The following EMX2 variants were observed in gnomAD, a reference collection of about 807,000 sequenced individuals.
EMX2 encodes empty spiracles homeobox 2.
Under a neutral mutation model 23.0 loss-of-function variants are expected in EMX2, and 6 were observed. The ratio of observed to expected loss-of-function variants is 0.26; its 90% CI spans 0.14 to 0.52. The LOEUF (loss-of-function observed/expected upper bound fraction) is 0.52, where lower values mean the gene tolerates loss of function less well. Among genes scored for constraint, EMX2 ranks in the 20% least tolerant of loss-of-function variants. The pLI, the probability that EMX2 is intolerant of heterozygous loss-of-function variation, is 0.97. For missense variants in EMX2, 302 were observed against 341.4 expected, an observed-to-expected ratio of 0.88 and a Z score of 0.91; for synonymous variants, 175 against 153.3, an observed-to-expected ratio of 1.14 and a Z score of -1.04.
At chr10:117,544,113 C>T (rs1589648417) in intron 1 of EMX2, among the ~76,000 whole-genome samples, 1 of 152,252 alleles carries the variant, frequency 6.6e-6, no homozygotes, top group East Asian at 1.9e-4. Context: ...CCCTGTTCAC[C>T]ACCCACTTTG....
chr10:117,543,605 A>T lies in EMX2; in HGVS notation c.338A>T (p.Gln113Leu), dbSNP rs370537063. The T allele has an allele frequency of 5.6e-6, 9 of 1,611,796 alleles. 1 individual carries two copies. The highest frequency in any genetic ancestry group is 3.3e-4 in the Middle Eastern group (2 of 6,056). Residue 113 changes from glutamine to leucine, a missense_variant, in exon 1 of 3, where the codon CAG becomes CTG. Gln to Leu is a moderately radical substitution (Grantham distance 113, BLOSUM62 -2). This residue lies in a region of EMX2 where 221 missense variants were observed against 206.8 expected (regional missense o/e 1.07). Transcript: ENST00000553456. ...CCACACCCCCTATTCGCCTCGCAGCAGCGGGATCCGTCCACCTTCTACCCC... is the reference window on the plus strand; with the variant it reads ...CCACACCCCCTATTCGCCTCGCAGCTGCGGGATCCGTCCACCTTCTACCCC... ...HSPHPLFASQQRDPSTFYPWL... is the reference protein window; with the variant it reads ...HSPHPLFASQLRDPSTFYPWL...
At chr10:117,547,667 C>T (rs535471694) in intron 2 of EMX2, among the ~76,000 whole-genome samples, 1 of 152,256 alleles carries the variant, frequency 6.6e-6, no homozygotes, top group Non-Finnish European at 1.5e-5. Context: ...CACTCGCTTG[C>T]TGGAGGGAGT....
At chr10:117,545,362 A>C in intron 1 of EMX2, 1 of 363,956 alleles carries the variant, frequency 2.7e-6, no homozygotes, top group Non-Finnish European at 4.9e-6. Flanking sequence ...GCGGCTGCGG[A>C]GCCGGCCGAG....
At chr10:117,544,500 G>C (rs1846547006) in intron 1 of EMX2, 1 of 152,088 alleles carries the variant, frequency 6.6e-6, no homozygotes, top group South Asian at 2.1e-4. Flanking sequence ...GGGGTGGGAG[G>C]AGGAGAGTTA....
chr10:117,548,283 G>A lies in EMX2; in HGVS notation c.*51G>A, dbSNP rs1564752551. 3 of 1,603,830 alleles carry A rather than the reference G, an allele frequency of 1.9e-6. No individual in the cohort carries two copies. Among genetic ancestry groups the A allele is most frequent in the Non-Finnish European group, 2.6e-6 (3 of 1,175,192 alleles). ...CGGACAACATGGAGCAAAAGAGACAGGGAGAGGTGGAGAAGGAAAAAACCC... is the reference window on the plus strand; with the variant it reads ...CGGACAACATGGAGCAAAAGAGACAAGGAGAGGTGGAGAAGGAAAAAACCC... On this transcript the variant is annotated 3_prime_UTR_variant, in exon 3 of 3. Transcript: ENST00000553456.
chr10:117,547,021 C>A (rs956022213), intron 2 of EMX2, among the ~76,000 whole-genome samples: 7 of 152,188 alleles, frequency 4.6e-5, no homozygotes, highest in Non-Finnish European at 8.8e-5. Context: ...GGGAGGGTAT[C>A]AGAGGTGCAG....
At position 117,543,468 on chromosome 10, in the gene EMX2, G is replaced by C. The variant is rs778870509; in HGVS notation, c.201G>C (p.Pro67=). 49 of 1,609,574 alleles carry C rather than the reference G, an allele frequency of 3.0e-5. No homozygotes were observed. The highest frequency in any genetic ancestry group is 4.0e-5 in the Non-Finnish European group (47 of 1,178,470). The part of the protein sequence containing the change: ...AAAGRGVYSN[P]DLVFAEAVSH... The stretch of plus-strand genomic sequence containing the variant: ...CCGGTAGGGGCGTCTACTCCAACCC[G>C]GACTTGGTGTTCGCCGAGGCGGTCT... The change falls in exon 1 of 3, where the codon CCG becomes CCC. Residue 67 remains proline, a synonymous_variant. Coordinates refer to ENST00000553456, the MANE Select transcript of EMX2 (RefSeq NM_004098.4).
In EMX2 at chr10:117,548,087, G is replaced by A; in HGVS notation, c.614G>A (p.Arg205Gln). 1 of 1,612,600 alleles carries A rather than the reference G, an allele frequency of 6.2e-7. No homozygotes were observed. The highest frequency in any genetic ancestry group is 8.5e-7 in the Non-Finnish European group (1 of 1,179,292). Residue 205 changes from arginine (R) to glutamine (Q), a missense_variant, in exon 3 of 3, where the codon CGA becomes CAA. Arg to Gln is a conservative substitution (Grantham distance 43, BLOSUM62 1). Around this residue, in one of 4 missense-constraint regions of EMX2, gnomAD observed 2 missense variants for 16.2 expected, o/e 0.12. Transcript: ENST00000553456. Reference protein sequence around the residue: ...ETQVKVWFQNRRTKFKRQKLE... With the variant: ...ETQVKVWFQNQRTKFKRQKLE... Reference sequence around the variant, plus strand: ...CAGGTAAAAGTATGGTTTCAGAACCGAAGAACAAAGTTCAAAAGGCAGAAG... The same window carrying A: ...CAGGTAAAAGTATGGTTTCAGAACCAAAGAACAAAGTTCAAAAGGCAGAAG...
rs958937476 is a variant in EMX2 at position 117,543,395 on chromosome 10, C to G, written c.128C>G (p.Pro43Arg). 2 of 1,585,362 alleles carry G rather than the reference C, an allele frequency of 1.3e-6. No homozygotes were observed. Among genetic ancestry groups the G allele is most frequent in the Non-Finnish European group, 1.7e-6 (2 of 1,166,664 alleles). Residue 43 changes from proline to arginine, a missense_variant, in exon 1 of 3, where the codon CCC becomes CGC. Pro to Arg is a moderately radical substitution (Grantham distance 103, BLOSUM62 -2). Transcript: ENST00000553456. ...PAALSYANSS[P>R]INPFLNGFHS... ...GCACTCAGCTACGCTAACTCCAGCC[C>G]CATAAATCCGTTCCTCAACGGCTTC...
At chr10:117,543,808 G>T in intron 1 of EMX2, 135 bp downstream of exon 1, 1 of 1,400,784 alleles carries the variant, frequency 7.1e-7, no homozygotes, top group Non-Finnish European at 9.9e-7. Context: ...GCCCTGTTGG[G>T]AAACTAGGCG....
At position 117,543,587 on chromosome 10, in the gene EMX2, C is replaced by T. The variant is rs768976173; in HGVS notation, c.320C>T (p.Pro107Leu). ...CTACCCTCCTCGCACTCGCCACACC[C>T]CCTATTCGCCTCGCAGCAGCGGGAT... ...HPLPSSHSPH[P>L]LFASQQRDPS... The change falls in exon 1 of 3, where the codon CCC (proline) becomes CTC (leucine). Residue 107 changes from proline to leucine, a missense_variant. Coordinates refer to ENST00000553456, the MANE Select transcript of EMX2 (RefSeq NM_004098.4). 1.2e-6 allele frequency: 2 copies of T among 1,613,502 alleles called. No homozygotes were observed. Among genetic ancestry groups the T allele is most frequent in the Admixed American group, 1.7e-5 (1 of 60,014 alleles).
chr10:117,547,800 A>T (rs1468611768), intron 2 of EMX2, among the ~76,000 whole-genome samples: 1 of 152,218 alleles, frequency 6.6e-6, no homozygotes, highest in African/African-American at 2.4e-5. Flanking sequence ...GATGGGGCTC[A>T]GTGCACTCCG....
intron 1 of EMX2, among the ~76,000 whole-genome samples, 190 bp downstream of exon 1, chr10:117,543,863 G>T (rs1375980773): frequency 6.6e-6 from 1 of 152,240 alleles, no homozygotes; most frequent in East Asian, 1.9e-4. Context: ...CCGAAGCTAC[G>T]ACTGGTTTGG....
At chr10:117,546,941 G>A (rs1031988068) in intron 2 of EMX2, among the ~76,000 whole-genome samples, 14 of 152,266 alleles carry the variant, frequency 9.2e-5, no homozygotes, top group African/African-American at 2.7e-4. Context: ...GAATGGAATG[G>A]ATCCCAGGGG....
Position 117,549,262 on chromosome 10 carries a change from C to G in EMX2, c.*1030C>G, listed in dbSNP as rs1846626501. On this transcript the variant is annotated 3_prime_UTR_variant, in exon 3 of 3. Coordinates refer to ENST00000553456, the MANE Select transcript of EMX2 (RefSeq NM_004098.4). ...CAACCATTCACTGCAATGCCTATTCCAAACTTTAAATCTATCTATTGCAAA... is the reference window on the plus strand; with the variant it reads ...CAACCATTCACTGCAATGCCTATTCGAAACTTTAAATCTATCTATTGCAAA... 6.6e-6 allele frequency: 1 copy of G among 152,592 alleles called. No individual in the cohort carries two copies. The highest frequency in any genetic ancestry group is 1.5e-5 in the Non-Finnish European group (1 of 68,044). 9.5% of individuals were successfully genotyped at this position (152,592 alleles called of 1,614,324 possible).
intron 2 of EMX2, 90 bp downstream of exon 2, chr10:117,545,906 T>C (rs1846572212): frequency 6.4e-7 from 1 of 1,557,660 alleles, no homozygotes; most frequent in Non-Finnish European, 8.8e-7. Flanking sequence ...CACGGAGCTC[T>C]GTGAGGGCCT....
intron 1 of EMX2, 49 bp downstream of exon 1, chr10:117,543,722 T>G (rs779534951): frequency 6.2e-6 from 10 of 1,612,842 alleles, no homozygotes; most frequent in Non-Finnish European, 7.6e-6. Flanking sequence ...GCCGCATCCT[T>G]CACTGCCCCC....
rs1290833345 is a variant in EMX2 at position 117,542,843 on chromosome 10, T to G, written c.-425T>G. 1 of 136,296 alleles carries G rather than the reference T, an allele frequency of 7.3e-6. No homozygotes were observed. Among genetic ancestry groups the G allele is most frequent in the Non-Finnish European group, 1.6e-5 (1 of 63,684 alleles). The allele number at this position is 136,296 out of a possible 1,614,324, so 8.4% of individuals were successfully genotyped here. The stretch of plus-strand genomic sequence containing the variant: ...GAGGAGAAAAAACTTTTTTTTTTTT[T>G]TGCCTCCCCCGAGAACTTTCCCCCC... On this transcript the variant is annotated 5_prime_UTR_variant, in exon 1 of 3. Coordinates refer to ENST00000553456, the MANE Select transcript of EMX2 (RefSeq NM_004098.4).
rs1001031216 is a variant in EMX2, at chr10:117,548,752, C to G, written c.*520C>G. On this transcript the variant is annotated 3_prime_UTR_variant, in exon 3 of 3. Coordinates refer to ENST00000553456, the MANE Select transcript of EMX2 (RefSeq NM_004098.4). ...TTTTTGCACTTCGCTGTGTTTCCCC[C>G]CCATCTTTAAAAATAATTAGTAATA... 2.5e-6 allele frequency: 1 copy of G among 405,518 alleles called. No homozygotes were observed. Among genetic ancestry groups the G allele is most frequent in the Admixed American group, 4.1e-5 (1 of 24,186 alleles). The allele number at this position is 405,518 out of a possible 1,614,324, so 25.1% of individuals were successfully genotyped here.
Sources: allele counts gnomAD v4.1 joint callset (sites outside exome capture counted in the v4.1 genomes callset), GRCh38; gene constraint gnomAD v4.1.1; regional missense constraint gnomAD v4.1.1; transcripts MANE v1.5; gene names NCBI Gene and HGNC (gene_info 2026-07-23, HGNC 2026-07-21).